LRRC4C: variants seen among roughly 807,000 people sequenced by gnomAD.
LRRC4C encodes the protein leucine-rich repeat-containing protein 4C.
A neutral mutation model predicts 33.6 loss-of-function variants in LRRC4C; 5 were observed. The observed-to-expected ratio is 0.15, with a 90% CI of 0.08 to 0.31. The LOEUF is 0.31. Among genes scored for constraint, LRRC4C ranks in the 10% least tolerant of loss-of-function variants. The pLI, the probability that LRRC4C is intolerant of heterozygous loss-of-function variation, is 1.00. For missense variants in LRRC4C, 560 were observed against 796.7 expected, an observed-to-expected ratio of 0.70 and a Z score of 3.58; for synonymous variants, 329 against 302.0, an observed-to-expected ratio of 1.09 and a Z score of -0.93.
intron 1 of LRRC4C, among the ~76,000 whole-genome samples, chr11:41,221,058 G>A (rs2136384646): frequency 6.6e-6 from 1 of 152,176 alleles, no homozygotes; most frequent in African/African-American, 2.4e-5. Context: ...GTGTAATGGA[G>A]GTTTGTGGTA....
chr11:40,925,774 G>T (rs1957386593), intron 2 of LRRC4C, among the ~76,000 whole-genome samples: 1 of 152,096 alleles, frequency 6.6e-6, no homozygotes, highest in African/African-American at 2.4e-5. Flanking sequence ...TCTGTAAATT[G>T]GAGATTATTT....
intron 1 of LRRC4C, among the ~76,000 whole-genome samples, chr11:41,314,352 T>C (rs776796214): frequency 1.6e-4 from 24 of 152,328 alleles, no homozygotes; most frequent in Admixed American, 1.2e-3. Context: ...AAATGCTTAT[T>C]GATCACTTAA....
At chr11:40,618,594 C>T (rs933249012) in intron 3 of LRRC4C, among the ~76,000 whole-genome samples, 2 of 151,776 alleles carry the variant, frequency 1.3e-5, no homozygotes, top group African/African-American at 4.8e-5. Context: ...CATTACCTAA[C>T]ACAATAAAGT....
intron 2 of LRRC4C, among the ~76,000 whole-genome samples, chr11:40,931,623 C>T (rs1957627265): frequency 6.6e-6 from 1 of 151,904 alleles, no homozygotes; most frequent in African/African-American, 2.4e-5. Flanking sequence ...TAAGTTTGAT[C>T]ATAATGCACT....
chr11:40,360,980 A>C (rs1947921915), intron 3 of LRRC4C, among the ~76,000 whole-genome samples: 2 of 152,192 alleles, frequency 1.3e-5, no homozygotes, highest in African/African-American at 4.8e-5. Flanking sequence ...CACATAAAAA[A>C]ACTAAAGATA....
intron 1 of LRRC4C, among the ~76,000 whole-genome samples, chr11:41,168,086 C>A (rs547396307): frequency 6.6e-6 from 1 of 152,084 alleles, no homozygotes; most frequent in Non-Finnish European, 1.5e-5. Context: ...CATTCATTGA[C>A]CACCTATGAG....
rs566713246 is a variant in LRRC4C, at chr11:41,432,186, A to G, written c.-496+27245T>C. On this transcript the variant is annotated intron_variant, in intron 1 of 6. Transcript: ENST00000528697. ...AACAAGGTAAATTAAGTACCTACCC[A>G]TCTATGGGTATTGCTTCAGGATTCT... is the stretch of plus-strand genomic sequence containing the variant. Among the ~76,000 whole-genome samples the G allele has an allele frequency of 8.1e-4, 123 of 152,344 alleles. 2 individuals carry two copies. Among genetic ancestry groups the G allele is most frequent in the South Asian group, 1.9e-3 (9 of 4,830 alleles).
chr11:40,340,472 T>C lies in LRRC4C; in HGVS notation c.-269-20751A>G, dbSNP rs1211777819. Among the ~76,000 whole-genome samples, 3 of 152,274 alleles carry C rather than the reference T, an allele frequency of 2.0e-5. No individual in the cohort carries two copies. The East Asian group carries it at 5.8e-4, about 29-fold the overall frequency. ...AAATACATTGGGACTGAGGAATGTATGTGTAGTGGGGACTGAGGCTAAGGG... is the reference window on the plus strand; with the variant it reads ...AAATACATTGGGACTGAGGAATGTACGTGTAGTGGGGACTGAGGCTAAGGG... On this transcript the variant is annotated intron_variant, in intron 3 of 6. Coordinates refer to ENST00000528697, the MANE Select transcript of LRRC4C (RefSeq NM_001258419.2).
chr11:40,356,526 C>T (rs548819909), intron 3 of LRRC4C, among the ~76,000 whole-genome samples: 1 of 152,210 alleles, frequency 6.6e-6, no homozygotes, highest in Non-Finnish European at 1.5e-5. Context: ...AGAACTGGGA[C>T]TTAAGCAGTC....
intron 3 of LRRC4C, among the ~76,000 whole-genome samples, chr11:40,361,819 A>G (rs1358776551): frequency 1.3e-5 from 2 of 152,212 alleles, no homozygotes; most frequent in African/African-American, 4.8e-5. Context: ...ATCCTAAGCA[A>G]AAAGAACAAA....
At position 40,709,882 on chromosome 11, in the gene LRRC4C, C is replaced by G. The variant is rs933443702; in HGVS notation, c.-406-61604G>C. On this transcript the variant is annotated intron_variant, in intron 2 of 6. Transcript: ENST00000528697. ...TCCCATATTTCTTGGAGGCTTTGTT[C>G]GTTTCTTTTTACTCTTTTTTCTCTA... Among the ~76,000 whole-genome samples, 3 of 152,054 alleles carry G rather than the reference C, an allele frequency of 2.0e-5. No individual in the cohort carries two copies. In the South Asian group the frequency reaches 6.2e-4, roughly 32 times the overall value.
Position 40,246,303 on chromosome 11 carries a change from T to C in LRRC4C, c.-175-4705A>G, listed in dbSNP as rs550119438. On this transcript the variant is annotated intron_variant, in intron 4 of 6. Transcript: ENST00000528697. ...AGTCCTAACTTTTTATCAAGTGTTA[T>C]AGGAAAAGAAAAAAGACAATAAGTA... is the stretch of plus-strand genomic sequence containing the variant. Among the ~76,000 whole-genome samples the C allele has an allele frequency of 1.2e-4, 19 of 152,202 alleles. No individual in the cohort carries two copies. The South Asian group carries it at 3.3e-3, about 27-fold the overall frequency.
At chr11:41,407,699 G>C (rs1446425373) in intron 1 of LRRC4C, among the ~76,000 whole-genome samples, 1 of 152,134 alleles carries the variant, frequency 6.6e-6, no homozygotes, top group Non-Finnish European at 1.5e-5. Flanking sequence ...TGTTGCTCAG[G>C]AGCTGTCCCT....
At chr11:40,820,796 T>C (rs779409318) in intron 2 of LRRC4C, among the ~76,000 whole-genome samples, 1 of 151,662 alleles carries the variant, frequency 6.6e-6, no homozygotes, top group Non-Finnish European at 1.5e-5. Context: ...GTCAACATAA[T>C]ACTGGAGTTT....
intron 5 of LRRC4C, among the ~76,000 whole-genome samples, chr11:40,158,371 C>T (rs1858880121): frequency 6.6e-6 from 1 of 152,008 alleles, no homozygotes; most frequent in Non-Finnish European, 1.5e-5. Flanking sequence ...AAAAAATTTA[C>T]TCATGTAACC....
chr11:40,535,508 C>T (rs997481663), intron 3 of LRRC4C, among the ~76,000 whole-genome samples: 1 of 152,180 alleles, frequency 6.6e-6, no homozygotes, highest in African/African-American at 2.4e-5. Flanking sequence ...ATAATTAATA[C>T]AAGTGCAATG....
At chr11:40,523,795 C>T (rs1955924900) in intron 3 of LRRC4C, among the ~76,000 whole-genome samples, 1 of 152,022 alleles carries the variant, frequency 6.6e-6, no homozygotes. Flanking sequence ...CAGTGAGGAT[C>T]TAACATCCAT....
intron 1 of LRRC4C, among the ~76,000 whole-genome samples, chr11:41,136,201 A>T (rs1943253853): frequency 6.6e-6 from 1 of 152,206 alleles, no homozygotes; most frequent in Admixed American, 6.5e-5. Context: ...AAACATAAGG[A>T]AATAACATGA....
chr11:40,350,792 A>T (rs989886462), intron 3 of LRRC4C, among the ~76,000 whole-genome samples: 1 of 151,896 alleles, frequency 6.6e-6, no homozygotes, highest in South Asian at 2.1e-4. Context: ...TACAGTTCTC[A>T]TTGTAGAGAT....
Sources: gnomAD v4.1 joint callset for allele counts (sites outside exome capture counted in the v4.1 genomes callset) on GRCh38, gnomAD v4.1.1 for gene constraint, MANE v1.5 for transcripts, NCBI Gene and HGNC (gene_info 2026-07-23, HGNC 2026-07-21) for gene names.